Variants in CRY1 observed in about 807,000 individuals in gnomAD.
CRY1 encodes the protein cryptochrome circadian regulator 1, also known as cryptochrome-1.
CRY1 carries 45 observed loss-of-function variants against 76.0 expected under a neutral mutation model. The ratio of observed to expected loss-of-function variants is 0.59; its 90% CI spans 0.47 to 0.76. The LOEUF (loss-of-function observed/expected upper bound fraction) is 0.76. Among genes scored for constraint, CRY1 ranks in the 30% least tolerant of loss-of-function variants. The pLI, the probability that CRY1 is intolerant of heterozygous loss-of-function variation, is 0.00. For missense variants in CRY1, 587 were observed against 716.4 expected, an observed-to-expected ratio of 0.82 and a Z score of 2.06; for synonymous variants, 248 against 244.0, an observed-to-expected ratio of 1.02 and a Z score of -0.15.
intron 1 of CRY1, among the ~76,000 whole-genome samples, chr12:107,081,590 A>G (rs1430310863): frequency 6.6e-6 from 1 of 152,102 alleles, no homozygotes; most frequent in Admixed American, 6.6e-5. Flanking sequence ...TATACCCAGC[A>G]TCAATAATAC....
Position 107,001,773 on chromosome 12 carries a change from C to A in CRY1, c.586G>T (p.Glu196Ter), listed in dbSNP as rs146335177. The change falls in exon 4 of 13, where the codon GAA becomes TAA. Residue 196 changes from glutamate to a stop codon, truncating the protein, a stop_gained. Coordinates refer to ENST00000008527, the MANE Select transcript of CRY1 (RefSeq NM_004075.5). LOFTEE classifies it high-confidence loss of function. ...TACAGTTTACACTCACCTAGCTCTT[C>A]CAGTGAAGGGACTCCATATTTCTCA... is the stretch of plus-strand genomic sequence containing the variant. Reference protein sequence around the residue: ...HDEKYGVPSLEELGFDTDGLS... With the variant: ...HDEKYGVPSL The A allele has an allele frequency of 6.4e-7, 1 of 1,552,272 alleles. No homozygotes were observed. Among genetic ancestry groups the A allele is most frequent in the East Asian group, 2.4e-5 (1 of 41,894 alleles).
chr12:107,074,041 A>T (rs922875151), intron 1 of CRY1, among the ~76,000 whole-genome samples: 9 of 152,124 alleles, frequency 5.9e-5, no homozygotes, highest in African/African-American at 1.9e-4. Context: ...CTCAAAATAT[A>T]ATCAGTGACT....
chr12:107,053,719 A>C (rs1019091340), intron 1 of CRY1, among the ~76,000 whole-genome samples: 1 of 152,254 alleles, frequency 6.6e-6, no homozygotes. Context: ...AGCAACAGAC[A>C]GGTTTCAAGG....
At chr12:107,016,434 A>T (rs567363118) in intron 2 of CRY1, among the ~76,000 whole-genome samples, 1 of 152,380 alleles carries the variant, frequency 6.6e-6, no homozygotes, top group South Asian at 2.1e-4. Flanking sequence ...TTTGATAGTA[A>T]AACTAAAAGT....
intron 1 of CRY1, among the ~76,000 whole-genome samples, chr12:107,091,895 A>T (rs1953475554): frequency 6.6e-6 from 1 of 152,118 alleles, no homozygotes; most frequent in Non-Finnish European, 1.5e-5. Flanking sequence ...TTTTCCCCCG[A>T]TCATACTTAA....
chr12:107,024,579 G>A (rs1206161146), intron 1 of CRY1, among the ~76,000 whole-genome samples: 2 of 151,976 alleles, frequency 1.3e-5, no homozygotes, highest in African/African-American at 4.8e-5. Context: ...GTCTCCCCAC[G>A]TTGCCCAGGC....
intron 3 of CRY1, among the ~76,000 whole-genome samples, chr12:107,002,826 T>G (rs1952326756): frequency 1.3e-5 from 2 of 152,130 alleles, no homozygotes. Context: ...TCTCACAAGA[T>G]CTGATGGTTT....
At chr12:107,008,175 G>A (rs113492384) in intron 2 of CRY1, among the ~76,000 whole-genome samples, 55 of 152,238 alleles carry the variant, frequency 3.6e-4, no homozygotes, top group African/African-American at 1.2e-3. Context: ...AAAAGGAACC[G>A]TCTCAGCTAA....
At chr12:107,020,866 G>A (rs1952548955) in intron 2 of CRY1, among the ~76,000 whole-genome samples, 1 of 152,284 alleles carries the variant, frequency 6.6e-6, no homozygotes, top group South Asian at 2.1e-4. Flanking sequence ...TGAGCTAGTT[G>A]TATGATCTTG....
At chr12:107,089,297 T>C (rs1202194800) in intron 1 of CRY1, among the ~76,000 whole-genome samples, 2 of 152,198 alleles carry the variant, frequency 1.3e-5, no homozygotes, top group Admixed American at 1.3e-4. Context: ...AACATGTTAT[T>C]CTGAGACAAT....
At chr12:107,031,594 G>C (rs752706733) in intron 1 of CRY1, among the ~76,000 whole-genome samples, 1 of 152,082 alleles carries the variant, frequency 6.6e-6, no homozygotes, top group Admixed American at 6.6e-5. Flanking sequence ...ACCAGTGATA[G>C]GTCAATCATG....
chr12:107,011,236 G>A (rs10861693), intron 2 of CRY1, among the ~76,000 whole-genome samples: 74,231 of 151,916 alleles, frequency 0.49, 19,453 homozygotes, highest in East Asian at 0.72. Context: ...TGTAATCCCA[G>A]CTACTCGGGA....
chr12:107,039,202 T>C (rs1456977164), intron 1 of CRY1, among the ~76,000 whole-genome samples: 1 of 152,136 alleles, frequency 6.6e-6, no homozygotes, highest in African/African-American at 2.4e-5. Context: ...GATTAAGACT[T>C]AAATGTAAGG....
intron 1 of CRY1, chr12:107,050,026 G>A (rs1952900241): frequency 6.6e-6 from 1 of 152,086 alleles, no homozygotes. Flanking sequence ...GAAAAACTAA[G>A]GCATTCAAGG....
chr12:106,997,048 T>A (rs566713089), intron 10 of CRY1, among the ~76,000 whole-genome samples: 1 of 152,312 alleles, frequency 6.6e-6, no homozygotes, highest in African/African-American at 2.4e-5. Flanking sequence ...ATTGCTCTCC[T>A]CAGTTTGCAA....
Position 107,092,804 on chromosome 12 carries a change from C to A in CRY1, c.158G>T (p.Arg53Leu). 6.2e-7 allele frequency: 1 copy of A among 1,611,496 alleles called. No homozygotes were observed. Among genetic ancestry groups the A allele is most frequent in the Non-Finnish European group, 8.5e-7 (1 of 1,179,766 alleles). Residue 53 changes from arginine (R) to leucine (L), a missense_variant and splice_region_variant, in exon 1 of 13, where the codon CGA becomes CTA. By Grantham distance (102) the Arg-to-Leu change is moderately radical (BLOSUM62 -2). Transcript: ENST00000008527. ...GSSNVGINRW[R>L]FLLQCLEDLD... ...CATTTCCCACGGGCTTGTGACTCAC[C>A]GCCACCTGTTGATGCCCACATTGGA...
At chr12:106,992,698 A>G in intron 12 of CRY1, 89 bp downstream of exon 12, 1 of 1,188,710 alleles carries the variant, frequency 8.4e-7, no homozygotes, top group South Asian at 1.4e-5. Context: ...TGGTTTGAAA[A>G]TAGAGATTTG....
At chr12:107,053,531 T>A (rs1466324722) in intron 1 of CRY1, among the ~76,000 whole-genome samples, 2 of 152,182 alleles carry the variant, frequency 1.3e-5, no homozygotes, top group Non-Finnish European at 2.9e-5. Context: ...TTGGTCAGGC[T>A]GATCTCGAAC....
chr12:106,997,418 T>C (rs1361328472), intron 9 of CRY1, 32 bp from the exon 10 acceptor site: 1 of 1,612,002 alleles, frequency 6.2e-7, no homozygotes, highest in Non-Finnish European at 8.5e-7. Context: ...TTTTAAATTA[T>C]GATCAAGATA....
Sources: gnomAD v4.1 joint callset for allele counts (sites outside exome capture counted in the v4.1 genomes callset) on GRCh38, gnomAD v4.1.1 for gene constraint, MANE v1.5 for transcripts, NCBI Gene and HGNC (gene_info 2026-07-23, HGNC 2026-07-21) for gene names.